Variants in ANKRD30A observed in about 807,000 individuals in gnomAD.
ANKRD30A encodes the protein ankyrin repeat domain 30A.
ANKRD30A carries 170 observed loss-of-function variants against 166.3 expected under a neutral mutation model. That is an observed-to-expected ratio of 1.02 (90% CI 0.90 to 1.16). The LOEUF (loss-of-function observed/expected upper bound fraction) is 1.16. Among genes scored for constraint, ANKRD30A ranks in the 50% most tolerant of loss-of-function variants. The pLI, the probability that ANKRD30A is intolerant of heterozygous loss-of-function variation, is 0.00. For missense variants in ANKRD30A, 1,630 were observed against 1,518.0 expected (o/e 1.07, Z -1.23); for synonymous variants, 564 against 508.9 (o/e 1.11, Z -1.46).
At chr10:37,229,855 GAT>G (rs951095650) in intron 34 of ANKRD30A, among the ~76,000 whole-genome samples, 1 of 151,848 alleles carries the variant, frequency 6.6e-6, no homozygotes, top group African/African-American at 2.4e-5. Context: ...GGTTACATGA[GAT>G]ATTTTAATAC....
intron 3 of ANKRD30A, 122 bp from the exon 4 acceptor site, chr10:37,132,118 G>C: frequency 1.7e-6 from 1 of 578,838 alleles, no homozygotes; most frequent in Non-Finnish European, 2.8e-6. Context: ...GAGAAAGAAG[G>C]GACTGCTATT....
intron 17 of ANKRD30A, 85 bp downstream of exon 17, chr10:37,162,933 T>G (rs544021543): frequency 6.6e-7 from 1 of 1,503,776 alleles, no homozygotes; most frequent in African/African-American, 1.4e-5. Flanking sequence ...TGGTTTATTT[T>G]TTTCAACTTT....
At chr10:37,183,448 G>C (rs532185436) in intron 24 of ANKRD30A, among the ~76,000 whole-genome samples, 4 of 146,802 alleles carry the variant, frequency 2.7e-5, no homozygotes, top group African/African-American at 7.4e-5. Context: ...TAACAAATGG[G>C]CTCTTGTATA....
intron 30 of ANKRD30A, 107 bp downstream of exon 30, chr10:37,199,895 A>G (rs2132688630): frequency 1.7e-6 from 1 of 588,280 alleles, no homozygotes; most frequent in East Asian, 3.3e-5. Context: ...TCACCCGCAA[A>G]TTATTTTTGA....
At chr10:37,148,161 C>T (rs1332861278) in intron 9 of ANKRD30A, among the ~76,000 whole-genome samples, 1 of 152,080 alleles carries the variant, frequency 6.6e-6, no homozygotes, top group Non-Finnish European at 1.5e-5. Flanking sequence ...AATAAGTTCT[C>T]AGGCGATGCT....
At chr10:37,151,128 C>T (rs1264789919) in intron 11 of ANKRD30A, among the ~76,000 whole-genome samples, 4 of 151,616 alleles carry the variant, frequency 2.6e-5, no homozygotes, top group Admixed American at 6.6e-5. Flanking sequence ...AAATGAGAAA[C>T]GTATGCATAG....
chr10:37,157,397 G>C (rs1445087075), intron 13 of ANKRD30A, among the ~76,000 whole-genome samples: 3 of 152,016 alleles, frequency 2.0e-5, no homozygotes, highest in Non-Finnish European at 4.4e-5. Flanking sequence ...ATGTTTTCTC[G>C]CTCTGTCATC....
chr10:37,202,075 A>AG (rs1322733375), intron 31 of ANKRD30A, among the ~76,000 whole-genome samples: 5 of 152,064 alleles, frequency 3.3e-5, no homozygotes, highest in African/African-American at 1.2e-4. Flanking sequence ...TGAGTAGCTG[A>AG]GGAGAGGCCT....
rs1435688063 is a variant in ANKRD30A, at chr10:37,136,656, C to T, written c.805C>T (p.Gln269Ter). 7.0e-7 allele frequency: 1 copy of T among 1,419,292 alleles called. No individual in the cohort carries two copies. The highest frequency in any genetic ancestry group is 9.7e-7 in the Non-Finnish European group (1 of 1,030,076). The allele number at this position is 1,419,292 out of a possible 1,614,324, so 87.9% of individuals were successfully genotyped here. A position where few individuals can be genotyped will look rare whatever the true frequency, so the allele number is the denominator to read the frequency against. The change falls in exon 6 of 36, where the codon CAA (glutamine) becomes TAA (stop). Residue 269 changes from glutamine (Q) to a stop codon, truncating the protein, a stop_gained. Coordinates refer to ENST00000361713, the MANE Select transcript of ANKRD30A (RefSeq NM_052997.3). LOFTEE classifies it high-confidence loss of function. ...TATACGAAAATTATCTAAAAATCAT[C>T]AAAATACCAATCCAGGTAAGACTTC... is the stretch of plus-strand genomic sequence containing the variant. ...EYIRKLSKNHQNTNPEGTSAG... is the reference protein window; with the variant it reads ...EYIRKLSKNH
intron 18 of ANKRD30A, 59 bp downstream of exon 18, chr10:37,165,214 T>G (rs1839220263): frequency 6.8e-7 from 1 of 1,478,072 alleles, no homozygotes. Context: ...AAACATAAAA[T>G]CAGATGCTTA....
At chr10:37,183,089 A>G (rs1840142250) in intron 24 of ANKRD30A, among the ~76,000 whole-genome samples, 1 of 149,172 alleles carries the variant, frequency 6.7e-6, no homozygotes, top group Admixed American at 6.8e-5. Context: ...GTCGACATTA[A>G]ATGGCAGCTG....
chr10:37,260,994 C>T, the ANKRD30A span, among the ~76,000 whole-genome samples: 1 of 96,196 alleles, frequency 1.0e-5, no homozygotes, highest in African/African-American at 4.5e-5. Context: ...CTTAACATTC[C>T]ACAATATCTT....
intron 29 of ANKRD30A, among the ~76,000 whole-genome samples, chr10:37,198,067 C>T (rs184418342): frequency 9.9e-4 from 150 of 152,112 alleles, no homozygotes; most frequent in African/African-American, 3.3e-3. Context: ...ATTTGATAAA[C>T]ACACTTTTTC....
intron 9 of ANKRD30A, 102 bp from the exon 10 acceptor site, chr10:37,149,549 A>G (rs1370172911): frequency 7.1e-7 from 1 of 1,399,700 alleles, no homozygotes; most frequent in African/African-American, 1.4e-5. Context: ...ATTCGTTCTC[A>G]AAGTCGACCA....
intron 24 of ANKRD30A, among the ~76,000 whole-genome samples, chr10:37,183,965 G>A (rs1358146522): frequency 3.3e-5 from 5 of 151,468 alleles, no homozygotes; most frequent in Non-Finnish European, 7.4e-5. Flanking sequence ...TGACTAACAC[G>A]GTGAAACCCT....
chr10:37,145,759 A>G (rs1837459441), intron 8 of ANKRD30A, among the ~76,000 whole-genome samples: 1 of 152,202 alleles, frequency 6.6e-6, no homozygotes. Flanking sequence ...TCATAGAAAA[A>G]CAGTTTAAGC....
intron 29 of ANKRD30A, among the ~76,000 whole-genome samples, 195 bp from the exon 30 acceptor site, chr10:37,199,532 G>A (rs1222579430): frequency 6.6e-6 from 1 of 152,008 alleles, no homozygotes; most frequent in Non-Finnish European, 1.5e-5. Flanking sequence ...ATGAAATAAT[G>A]TTAATTTTCA....
chr10:37,265,625 A>G, the ANKRD30A span, among the ~76,000 whole-genome samples: 1 of 152,168 alleles, frequency 6.6e-6, no homozygotes, highest in Non-Finnish European at 1.5e-5. Flanking sequence ...CAGTTTGCAC[A>G]ACCTTAGGCC....
chr10:37,142,131 G>A lies in ANKRD30A; in HGVS notation c.1234G>A (p.Gly412Arg). 1 of 1,613,926 alleles carries A rather than the reference G, an allele frequency of 6.2e-7. No individual in the cohort carries two copies. Among genetic ancestry groups the A allele is most frequent in the African/African-American group, 1.3e-5 (1 of 74,968 alleles). The change falls in exon 7 of 36, where the codon GGA (glycine) becomes AGA (arginine). Residue 412 changes from glycine (G) to arginine (R), a missense_variant. Transcript: ENST00000361713. The part of the protein sequence containing the change: ...TSEKFTWAAK[G>R]RPRKIAWEKK... The stretch of plus-strand genomic sequence containing the variant: ...TGAGAAATTTACGTGGGCAGCAAAA[G>A]GAAGACCTAGGAAGATCGCATGGGA...
Sources: gnomAD v4.1 joint callset for allele counts (sites outside exome capture counted in the v4.1 genomes callset) on GRCh38, gnomAD v4.1.1 for gene constraint, MANE v1.5 for transcripts, NCBI Gene and HGNC (gene_info 2026-07-23, HGNC 2026-07-21) for gene names.